MAF: variants seen among roughly 807,000 people sequenced by gnomAD.
The protein encoded by MAF is MAF bZIP transcription factor.
In MAF, 10 loss-of-function variants were observed where a neutral mutation model predicts 22.0. That is an observed-to-expected ratio of 0.45 (90% confidence interval 0.28 to 0.77). MAF has a LOEUF of 0.77. Among genes scored for constraint, MAF ranks in the 30% least tolerant of loss-of-function variants. The pLI is 0.12. For missense variants in MAF, 544 were observed against 548.4 expected (o/e 0.99, Z 0.08); for synonymous variants, 337 against 255.8 (o/e 1.32, Z -3.03).
At chr16:79,448,020 G>A in the MAF span, among the ~76,000 whole-genome samples, 1 of 151,920 alleles carries the variant, frequency 6.6e-6, no homozygotes, top group Non-Finnish European at 1.5e-5. Context: ...AAAAGAAAGT[G>A]TCTTCCTGAG....
chr16:79,598,489 G>C (rs1188761587), intron 1 of MAF: 9 of 1,329,446 alleles, frequency 6.8e-6, no homozygotes, highest in Non-Finnish European at 7.7e-6. Context: ...GCAAGTTATG[G>C]AGAATTTCAG....
the MAF span, among the ~76,000 whole-genome samples, chr16:79,580,557 G>A: frequency 6.6e-6 from 1 of 152,250 alleles, no homozygotes; most frequent in South Asian, 2.1e-4. Flanking sequence ...GGATGCCAGG[G>A]GGCTTCGAAG....
At chr16:79,391,311 C>G in the MAF span, among the ~76,000 whole-genome samples, 2 of 152,264 alleles carry the variant, frequency 1.3e-5, no homozygotes. Context: ...AAAATGTTCA[C>G]TTAGTTTAAT....
the MAF span, among the ~76,000 whole-genome samples, chr16:79,347,707 G>T: frequency 6.6e-6 from 1 of 152,172 alleles, no homozygotes; most frequent in Non-Finnish European, 1.5e-5. Context: ...GTCCAGAGGG[G>T]TTGAACTGGC....
the MAF span, among the ~76,000 whole-genome samples, chr16:79,387,358 A>G: frequency 6.6e-6 from 1 of 152,204 alleles, no homozygotes; most frequent in Non-Finnish European, 1.5e-5. Flanking sequence ...TGTTTTTCAT[A>G]TCTATTTATA....
At chr16:79,284,530 G>T in the MAF span, among the ~76,000 whole-genome samples, 1 of 152,192 alleles carries the variant, frequency 6.6e-6, no homozygotes, top group Non-Finnish European at 1.5e-5. Flanking sequence ...AGAGAGCAGA[G>T]ATATTTCTAG....
At chr16:79,431,658 T>C in the MAF span, among the ~76,000 whole-genome samples, 1 of 152,194 alleles carries the variant, frequency 6.6e-6, no homozygotes, top group Non-Finnish European at 1.5e-5. Flanking sequence ...CCCTGACGAA[T>C]GCTAACCTGT....
intron 1 of MAF, chr16:79,598,019 AT>A (rs34194845): frequency 2.2e-5 from 23 of 1,037,582 alleles, no homozygotes; most frequent in Middle Eastern, 4.4e-4. Context: ...GTTCATGAGG[AT>A]TTTTTTCTCT....
At chr16:79,266,507 A>C in the MAF span, among the ~76,000 whole-genome samples, 3 of 152,324 alleles carry the variant, frequency 2.0e-5, no homozygotes, top group East Asian at 5.8e-4. Flanking sequence ...GTTGATAACC[A>C]AGAAAAAAAC....
chr16:79,327,710 G>C, the MAF span, among the ~76,000 whole-genome samples: 2 of 152,138 alleles, frequency 1.3e-5, no homozygotes, highest in African/African-American at 4.8e-5. Context: ...GCCTCGTACT[G>C]TCGCAGGGAC....
chr16:79,363,047 C>CT, the MAF span, among the ~76,000 whole-genome samples: 1 of 152,106 alleles, frequency 6.6e-6, no homozygotes, highest in African/African-American at 2.4e-5. Flanking sequence ...TCACTTCTTT[C>CT]TTTATCACCT....
the MAF span, among the ~76,000 whole-genome samples, chr16:79,233,636 C>G: frequency 5.3e-5 from 8 of 152,078 alleles, no homozygotes; most frequent in East Asian, 1.4e-3. Flanking sequence ...GATGGGATAC[C>G]GTTAAAACTT....
the MAF span, among the ~76,000 whole-genome samples, chr16:79,325,184 T>C: frequency 0.093 from 14,105 of 152,244 alleles, 750 homozygotes; most frequent in Middle Eastern, 0.14. Flanking sequence ...ATGTCTTTTC[T>C]TGGGGTGGGG....
chr16:79,209,047 G>A, the MAF span, among the ~76,000 whole-genome samples: 3 of 151,956 alleles, frequency 2.0e-5, no homozygotes, highest in Non-Finnish European at 4.4e-5. Context: ...TGTGTACTGT[G>A]TTCTACAAAG....
chr16:79,480,612 G>A, the MAF span, among the ~76,000 whole-genome samples: 1 of 152,134 alleles, frequency 6.6e-6, no homozygotes, highest in South Asian at 2.1e-4. Flanking sequence ...TCTCACTATG[G>A]AGGGAGGGTA....
chr16:79,381,518 G>A, the MAF span, among the ~76,000 whole-genome samples: 1 of 152,158 alleles, frequency 6.6e-6, no homozygotes, highest in African/African-American at 2.4e-5. Flanking sequence ...GGTTCTCTTT[G>A]GTGTTTATTT....
At chr16:79,350,091 C>G in the MAF span, among the ~76,000 whole-genome samples, 2 of 152,194 alleles carry the variant, frequency 1.3e-5, no homozygotes, top group African/African-American at 4.8e-5. Context: ...TCCTCTGGCC[C>G]TTTAAACCTT....
the MAF span, among the ~76,000 whole-genome samples, chr16:79,455,092 G>A: frequency 4.1e-4 from 61 of 147,584 alleles, no homozygotes; most frequent in East Asian, 8.7e-3. Flanking sequence ...GCGAAACTCC[G>A]TCTTAAAAAA....
At chr16:79,511,015 G>C in the MAF span, among the ~76,000 whole-genome samples, 7 of 152,230 alleles carry the variant, frequency 4.6e-5, no homozygotes, top group African/African-American at 1.7e-4. Context: ...CCTGCACCTA[G>C]AAGATATAGT....
Sources: allele counts gnomAD v4.1 joint callset (sites outside exome capture counted in the v4.1 genomes callset), GRCh38; gene constraint gnomAD v4.1.1; transcripts MANE v1.5; gene names NCBI Gene and HGNC (gene_info 2026-07-23, HGNC 2026-07-21).